Variants in WDR7 observed in about 807,000 individuals in gnomAD.
WDR7 encodes the protein WD repeat-containing protein 7.
Under a neutral mutation model 169.4 loss-of-function variants are expected in WDR7, and 46 were observed. The ratio of observed to expected loss-of-function variants is 0.27; its 90% CI spans 0.21 to 0.35. The LOEUF is 0.35. Ranked by LOEUF, WDR7 falls within the 10% of genes least tolerant of loss-of-function variation. The pLI is 1.00. For synonymous variants in WDR7, 612 were observed against 666.8 expected (o/e 0.92, Z 1.27); for missense variants, 1,534 against 1,859.3 (o/e 0.83, Z 3.22).
chr18:56,967,076 A>C (rs1272235486), intron 26 of WDR7, among the ~76,000 whole-genome samples: 1 of 152,266 alleles, frequency 6.6e-6, no homozygotes, highest in African/African-American at 2.4e-5. Context: ...AATATATTGC[A>C]TTACAATTAA....
chr18:56,868,438 T>G (rs1395966168), intron 20 of WDR7, among the ~76,000 whole-genome samples: 2 of 152,152 alleles, frequency 1.3e-5, no homozygotes, highest in African/African-American at 4.8e-5. Context: ...ATTTGTCATT[T>G]TATAAATAAA....
rs1053070436 is a variant in WDR7 at position 56,962,350 on chromosome 18, A to G, written c.4065-80A>G. 18 of 1,029,624 alleles carry G rather than the reference A, an allele frequency of 1.7e-5. No homozygotes were observed. In the Middle Eastern group the frequency reaches 6.3e-4, roughly 36 times the overall value. The allele number at this position is 1,029,624 out of a possible 1,614,324, so 63.8% of individuals were successfully genotyped here. A position where few individuals can be genotyped will look rare whatever the true frequency, so the allele number is the denominator to read the frequency against. On this transcript the variant is annotated intron_variant, in intron 25 of 27. Coordinates refer to ENST00000254442, the MANE Select transcript of WDR7 (RefSeq NM_015285.3). ...ATCAGAGCTGGCTTTAACCTTTGAA[A>G]TGTTGCTGTCCACTTCCAAGTGCAG...
At chr18:56,736,828 A>C (rs2026710512) in intron 14 of WDR7, among the ~76,000 whole-genome samples, 1 of 152,114 alleles carries the variant, frequency 6.6e-6, no homozygotes, top group African/African-American at 2.4e-5. Context: ...CTAGGGATTT[A>C]AGATCTGGGT....
intron 12 of WDR7, among the ~76,000 whole-genome samples, chr18:56,717,143 T>C (rs754087870): frequency 1.3e-5 from 2 of 152,246 alleles, no homozygotes; most frequent in Admixed American, 6.5e-5. Flanking sequence ...TCCCTCAGTA[T>C]GACCTGAAAG....
intron 26 of WDR7, 27 bp downstream of exon 26, chr18:56,962,556 C>T (rs1412490351): frequency 1.2e-6 from 2 of 1,601,244 alleles, no homozygotes; most frequent in Non-Finnish European, 1.7e-6. Flanking sequence ...GACTTCCTCT[C>T]CATAAAGCGT....
chr18:56,703,739 A>G (rs2025886702), intron 12 of WDR7, among the ~76,000 whole-genome samples: 1 of 152,068 alleles, frequency 6.6e-6, no homozygotes, highest in East Asian at 1.9e-4. Flanking sequence ...GAATATTCCT[A>G]CAACATCATT....
intron 12 of WDR7, among the ~76,000 whole-genome samples, chr18:56,698,406 A>G (rs1340516672): frequency 6.6e-6 from 1 of 152,008 alleles, no homozygotes; most frequent in Non-Finnish European, 1.5e-5. Context: ...GGAGATCAAG[A>G]CCATCCTGGC....
chr18:56,776,478 A>AT (rs1291254503), intron 16 of WDR7, among the ~76,000 whole-genome samples: 1 of 152,156 alleles, frequency 6.6e-6, no homozygotes, highest in East Asian at 1.9e-4. Context: ...TTTTACTGTC[A>AT]TTTTTTCATG....
At chr18:57,007,420 A>G (rs974366749) in intron 26 of WDR7, among the ~76,000 whole-genome samples, 7 of 152,202 alleles carry the variant, frequency 4.6e-5, no homozygotes, top group Non-Finnish European at 7.3e-5. Flanking sequence ...TTTAAAGTTA[A>G]AATTAGAGAA....
At chr18:56,727,485 T>C (rs1408883960) in intron 13 of WDR7, among the ~76,000 whole-genome samples, 2 of 152,104 alleles carry the variant, frequency 1.3e-5, no homozygotes, top group East Asian at 1.9e-4. Flanking sequence ...TCAGGAAACT[T>C]ACAATCATGG....
In WDR7 at chr18:56,768,301, A is replaced by G. The variant is rs540142322; in HGVS notation, c.2849-8481A>G. Among the ~76,000 whole-genome samples the G allele has an allele frequency of 7.9e-5, 12 of 152,336 alleles. No individual in the cohort carries two copies. In the East Asian group the frequency reaches 2.3e-3, roughly 29 times the overall value. ...TAAGGCAATAGATTTAGGAATTTTCATTTGGAAAGCATATATACTTTTCTT... is the reference window on the plus strand; with the variant it reads ...TAAGGCAATAGATTTAGGAATTTTCGTTTGGAAAGCATATATACTTTTCTT... On this transcript the variant is annotated intron_variant, in intron 16 of 27. Coordinates refer to ENST00000254442, the MANE Select transcript of WDR7 (RefSeq NM_015285.3).
At chr18:56,675,124 A>G (rs759306324) in intron 2 of WDR7, among the ~76,000 whole-genome samples, 14 of 152,080 alleles carry the variant, frequency 9.2e-5, no homozygotes, top group Non-Finnish European at 1.6e-4. Context: ...CTATTGTTTT[A>G]TATTAAGTTT....
chr18:56,879,090 A>G (rs2046068939), intron 20 of WDR7, among the ~76,000 whole-genome samples: 1 of 152,202 alleles, frequency 6.6e-6, no homozygotes, highest in African/African-American at 2.4e-5. Context: ...TGCTGTGAGC[A>G]TCCATGTCTT....
intron 1 of WDR7, among the ~76,000 whole-genome samples, chr18:56,655,684 A>T (rs1257957961): frequency 6.6e-6 from 1 of 150,966 alleles, no homozygotes; most frequent in Non-Finnish European, 1.5e-5. Flanking sequence ...GATTTTCTTC[A>T]TGTTACCTCT....
chr18:56,674,087 C>T (rs945729095), intron 2 of WDR7, among the ~76,000 whole-genome samples: 4 of 152,222 alleles, frequency 2.6e-5, no homozygotes, highest in Non-Finnish European at 5.9e-5. Flanking sequence ...GAGTATTACA[C>T]ATTTGTGTAT....
In WDR7 at chr18:56,813,529, C is replaced by CT. The variant is rs142379348; in HGVS notation, c.3191-2494dup. On this transcript the variant is annotated intron_variant, in intron 19 of 27. Transcript: ENST00000254442. ...CAAATGATTGATATGAGCAGGAATTCTTTTTTTTCTTCTTCTTCAGCCTGT... is the reference window on the plus strand; with the variant it reads ...CAAATGATTGATATGAGCAGGAATTCTTTTTTTTTCTTCTTCTTCAGCCTGT... Among the ~76,000 whole-genome samples, 430 of 151,080 alleles carry CT rather than the reference C, an allele frequency of 2.8e-3. 6 individuals are homozygous for CT. The highest frequency in any genetic ancestry group is 0.01 in the African/African-American group (419 of 41,086).
Position 57,027,338 on chromosome 18 carries a change from GT to G in WDR7, c.*132del, listed in dbSNP as rs1308437975. 3 of 940,686 alleles carry G rather than the reference GT, an allele frequency of 3.2e-6. No homozygotes were observed. Among genetic ancestry groups the G allele is most frequent in the Admixed American group, 2.6e-5 (1 of 39,030 alleles). 58.3% of individuals were successfully genotyped at this position (940,686 alleles called of 1,614,324 possible). A position where few individuals can be genotyped will look rare whatever the true frequency, so the allele number is the denominator to read the frequency against. ...CAGTGCCATCCAGTGGCACGGCCGG[GT>G]CTTGTCACTTGTGCATGCTTCTCAG... On this transcript the variant is annotated 3_prime_UTR_variant, in exon 28 of 28. Transcript: ENST00000254442.
At chr18:56,700,909 T>G (rs2144665932) in intron 12 of WDR7, among the ~76,000 whole-genome samples, 1 of 152,306 alleles carries the variant, frequency 6.6e-6, no homozygotes, top group South Asian at 2.1e-4. Context: ...AAATTCAGTA[T>G]TGATTCGTTG....
At chr18:56,936,237 C>T (rs1347465789) in intron 23 of WDR7, 1 of 206,916 alleles carries the variant, frequency 4.8e-6, no homozygotes, top group Non-Finnish European at 9.6e-6. Flanking sequence ...CATGTAAGTA[C>T]CTACTTGTCA....
Sources: gnomAD v4.1 joint callset for allele counts (sites outside exome capture counted in the v4.1 genomes callset) on GRCh38, gnomAD v4.1.1 for gene constraint, MANE v1.5 for transcripts, NCBI Gene and HGNC (gene_info 2026-07-23, HGNC 2026-07-21) for gene names.